Variants in SUPT20H observed in about 807,000 individuals in gnomAD.
SUPT20H encodes SPT20 homolog, SAGA complex component.
A neutral mutation model predicts 122.8 loss-of-function variants in SUPT20H; 82 were observed. The observed-to-expected ratio is 0.67, with a 90% CI of 0.56 to 0.80. The LOEUF (loss-of-function observed/expected upper bound fraction) is 0.80. SUPT20H is among the 30% of genes least tolerant of loss of function. SUPT20H has a pLI of 0.00. For missense variants in SUPT20H, 831 were observed against 921.6 expected (o/e 0.90, Z 1.27); for synonymous variants, 291 against 313.0 (o/e 0.93, Z 0.74).
chr13:37,053,996 G>A (rs1275164054), intron 1 of SUPT20H, among the ~76,000 whole-genome samples: 1 of 152,134 alleles, frequency 6.6e-6, no homozygotes, highest in Admixed American at 6.5e-5. Context: ...ACACCTCTAC[G>A]CAAATAAACT....
intron 7 of SUPT20H, among the ~76,000 whole-genome samples, chr13:37,043,225 C>T (rs946417638): frequency 4.6e-5 from 7 of 152,250 alleles, no homozygotes; most frequent in South Asian, 2.1e-4. Flanking sequence ...ACTATTTTAA[C>T]GGGAAGGCAG....
chr13:37,052,757 G>A (rs190360696), intron 1 of SUPT20H, among the ~76,000 whole-genome samples: 1 of 152,194 alleles, frequency 6.6e-6, no homozygotes, highest in Non-Finnish European at 1.5e-5. Flanking sequence ...CCTACAGAAT[G>A]GGCGATAATT....
At chr13:37,051,651 C>A in intron 1 of SUPT20H, 68 bp from the exon 2 acceptor site, 2 of 493,112 alleles carry the variant, frequency 4.1e-6, no homozygotes, top group East Asian at 3.1e-5. Flanking sequence ...AAAGAGATTA[C>A]ATATTTCATA....
intron 10 of SUPT20H, among the ~76,000 whole-genome samples, chr13:37,032,211 G>A (rs906027357): frequency 5.9e-5 from 9 of 151,920 alleles, no homozygotes; most frequent in African/African-American, 2.2e-4. Context: ...GGGATAAGGA[G>A]GGCAACATTA....
At chr13:37,018,648 T>C (rs1447302825) in intron 22 of SUPT20H, among the ~76,000 whole-genome samples, 1 of 152,204 alleles carries the variant, frequency 6.6e-6, no homozygotes, top group Non-Finnish European at 1.5e-5. Context: ...AGGAATGTTG[T>C]AAATTCACCC....
Position 37,048,792 on chromosome 13 carries a change from A to G in SUPT20H, c.4-193T>C, listed in dbSNP as rs565461420. Among the ~76,000 whole-genome samples, 7 of 152,284 alleles carry G rather than the reference A, an allele frequency of 4.6e-5. No individual in the cohort carries two copies. The East Asian group carries it at 1.4e-3, about 29-fold the overall frequency. ...GAGTCTTGGGCACCTGATTACTAAC[A>G]ACAAACTAAATAAGAATGCTTACAC... On this transcript the variant is annotated intron_variant, in intron 2 of 25. Coordinates refer to ENST00000350612, the MANE Select transcript of SUPT20H (RefSeq NM_001014286.3).
chr13:37,026,952 G>C, intron 14 of SUPT20H, 136 bp from the exon 15 acceptor site: 1 of 547,434 alleles, frequency 1.8e-6, no homozygotes, highest in Non-Finnish European at 2.9e-6. Context: ...CTGATGCAAA[G>C]GTAAAAAATT....
At chr13:37,019,195 TCATA>T in intron 22 of SUPT20H, 143 bp downstream of exon 22, 1 of 545,320 alleles carries the variant, frequency 1.8e-6, no homozygotes, top group Non-Finnish European at 3.2e-6. Context: ...ATCCGCTTGA[TCATA>T]CAAAGGTAGC....
At chr13:37,021,705 A>G (rs2061478981) in intron 20 of SUPT20H, 103 bp from the exon 21 acceptor site, 2 of 1,258,602 alleles carry the variant, frequency 1.6e-6, no homozygotes, top group Admixed American at 2.9e-5. Context: ...AAACACAACT[A>G]GTTATTTATC....
At chr13:37,027,726 A>G (rs765454653) in intron 14 of SUPT20H, among the ~76,000 whole-genome samples, 1 of 152,152 alleles carries the variant, frequency 6.6e-6, no homozygotes, top group African/African-American at 2.4e-5. Context: ...TGTAGGGCCA[A>G]TAACTACAAT....
chr13:37,047,449 A>G, intron 5 of SUPT20H, 86 bp downstream of exon 5: 1 of 1,326,590 alleles, frequency 7.5e-7, no homozygotes. Context: ...ACTCACACAC[A>G]CAAAAATAAT....
chr13:37,017,422 A>G (rs1394188393), intron 22 of SUPT20H, 58 bp from the exon 23 acceptor site: 20 of 1,479,384 alleles, frequency 1.4e-5, no homozygotes, highest in Non-Finnish European at 1.7e-5. Context: ...TCAAATATTT[A>G]AATTTATTCT....
At chr13:37,025,866 T>G in intron 16 of SUPT20H, 1 of 229,082 alleles carries the variant, frequency 4.4e-6, no homozygotes, top group Non-Finnish European at 8.3e-6. Context: ...CTTAATTCTA[T>G]GAAAAAAAAC....
Position 37,009,614 on chromosome 13 carries a change from A to C in SUPT20H, c.*58T>G. The C allele has an allele frequency of 6.2e-7, 1 of 1,603,098 alleles. No homozygotes were observed. The highest frequency in any genetic ancestry group is 8.5e-7 in the Non-Finnish European group (1 of 1,170,934). ...AAAAAAAACAAAAAGTAGAAACTCAATTCTTTTGATTCAGTGCTCTTGTGT... is the reference window on the plus strand; with the variant it reads ...AAAAAAAACAAAAAGTAGAAACTCACTTCTTTTGATTCAGTGCTCTTGTGT... On this transcript the variant is annotated 3_prime_UTR_variant, in exon 26 of 26. Transcript: ENST00000350612.
Position 37,051,519 on chromosome 13 carries a change from G to A in SUPT20H, c.-29C>T. The A allele has an allele frequency of 6.2e-7, 1 of 1,610,894 alleles. No individual in the cohort carries two copies. The highest frequency in any genetic ancestry group is 1.3e-5 in the African/African-American group (1 of 74,922). The stretch of plus-strand genomic sequence containing the variant: ...GGCATAAAATAAGGGTCCAAAAGAA[G>A]AGATAACTTATGTACGCTGATGAAG... On this transcript the variant is annotated 5_prime_UTR_variant, in exon 2 of 26. Coordinates refer to ENST00000350612, the MANE Select transcript of SUPT20H (RefSeq NM_001014286.3).
In SUPT20H at chr13:37,009,316, C is replaced by CA. The variant is rs1486954786; in HGVS notation, c.*355dup. On this transcript the variant is annotated 3_prime_UTR_variant, in exon 26 of 26. Transcript: ENST00000350612. ...CCCAAATAAACAGCCACCACATTTT[C>CA]AAAACAGATTTGTAAAAATTGTATT... The CA allele has an allele frequency of 1.4e-6, 2 of 1,401,276 alleles. No individual in the cohort carries two copies. The highest frequency in any genetic ancestry group is 2.3e-5 in the South Asian group (2 of 85,298). 86.8% of individuals were successfully genotyped at this position (1,401,276 alleles called of 1,614,324 possible). A position where few individuals can be genotyped will look rare whatever the true frequency, so the allele number is the denominator to read the frequency against.
rs142185725 is a variant in SUPT20H at position 37,029,613 on chromosome 13, G to A, written c.993+152C>T. The A allele has an allele frequency of 8.0e-4, 461 of 574,854 alleles. 4 individuals are homozygous for A. In the African/African-American group the frequency reaches 8.3e-3, roughly 10 times the overall value. 35.6% of individuals were successfully genotyped at this position (574,854 alleles called of 1,614,324 possible). Reference sequence around the variant, plus strand: ...GCATACTCTGATAAACAAAATAGTTGTTTCTTCTTGTAATAAACTGAACTC... The same window carrying A: ...GCATACTCTGATAAACAAAATAGTTATTTCTTCTTGTAATAAACTGAACTC... On this transcript the variant is annotated intron_variant, in intron 13 of 25. Coordinates refer to ENST00000350612, the MANE Select transcript of SUPT20H (RefSeq NM_001014286.3).
At position 37,031,563 on chromosome 13, in the gene SUPT20H, T is replaced by G; in HGVS notation, c.921+4A>C. On this transcript the variant is annotated splice_donor_region_variant and intron_variant, in intron 12 of 25. Transcript: ENST00000350612. ...GAAAAAAAGTAATTCATGAACTGACTTACATCTACTTCAGAAGGTATGGCC... is the reference window on the plus strand; with the variant it reads ...GAAAAAAAGTAATTCATGAACTGACGTACATCTACTTCAGAAGGTATGGCC... The G allele has an allele frequency of 6.5e-7, 1 of 1,544,618 alleles. No individual in the cohort carries two copies. Among genetic ancestry groups the G allele is most frequent in the Non-Finnish European group, 8.7e-7 (1 of 1,153,006 alleles).
chr13:37,036,596 A>T (rs1438479579), intron 9 of SUPT20H, among the ~76,000 whole-genome samples: 1 of 152,102 alleles, frequency 6.6e-6, no homozygotes, highest in Non-Finnish European at 1.5e-5. Flanking sequence ...CTGGAATTAC[A>T]GGTGTGAGCC....
Sources: allele counts gnomAD v4.1 joint callset (sites outside exome capture counted in the v4.1 genomes callset), GRCh38; gene constraint gnomAD v4.1.1; transcripts MANE v1.5; gene names NCBI Gene and HGNC (gene_info 2026-07-23, HGNC 2026-07-21).